Variants in APOA4 observed in about 807,000 individuals in gnomAD.
APOA4 encodes the protein apolipoprotein A-IV.
In APOA4, 25 loss-of-function variants were observed where a neutral mutation model predicts 33.6. The observed-to-expected ratio is 0.74, with a 90% confidence interval of 0.54 to 1.04. The LOEUF is 1.04. APOA4 is among the 50% of genes least tolerant of loss of function. The probability of loss-of-function intolerance (pLI) is 0.00; values close to 1 mark genes in which losing one functional copy is unlikely to be tolerated. For missense variants in APOA4, 549 were observed against 510.4 expected, an observed-to-expected ratio of 1.08 and a Z score of -0.73; for synonymous variants, 228 against 224.0, an observed-to-expected ratio of 1.02 and a Z score of -0.16.
chr11:116,821,046 C>T lies in APOA4; in HGVS notation c.1012G>A (p.Gly338Ser). 1 of 1,614,210 alleles carries T rather than the reference C, an allele frequency of 6.2e-7. No individual in the cohort carries two copies. Among genetic ancestry groups the T allele is most frequent in the Non-Finnish European group, 8.5e-7 (1 of 1,180,038 alleles). Residue 338 changes from glycine (G) to serine (S), a missense_variant, in exon 3 of 3, where the codon GGC (glycine) becomes AGC (serine). Transcript: ENST00000357780. ...TCCTTCTCCAGGAAGCTCAAGTGGC[C>T]TTCCACGTCCCCCGCATGGGGGCCC... The part of the protein sequence containing the change: ...KLGPHAGDVE[G>S]HLSFLEKDLR...
At position 116,821,332 on chromosome 11, in the gene APOA4, G is replaced by A. The variant is rs1211908315; in HGVS notation, c.726C>T (p.Thr242=). The change falls in exon 3 of 3, where the codon ACC becomes ACT. Residue 242 remains threonine, a synonymous_variant. Transcript: ENST00000357780. ...CCTCGGCGTTCTTCTTCATCTGGAAGGTCAGGCCCTCAAGCTGGTGGTTGA... is the reference window on the plus strand; with the variant it reads ...CCTCGGCGTTCTTCTTCATCTGGAAAGTCAGGCCCTCAAGCTGGTGGTTGA... ...EKLNHQLEGL[T]FQMKKNAEEL... is the part of the protein sequence containing the mutation. The A allele has an allele frequency of 3.1e-6, 5 of 1,614,088 alleles. No homozygotes were observed. The East Asian group carries it at 8.9e-5, about 29-fold the overall frequency.
Position 116,822,645 on chromosome 11 carries a change from G to A in APOA4, c.176+14C>T, listed in dbSNP as rs753849877. The A allele has an allele frequency of 1.1e-5, 18 of 1,614,194 alleles. No individual in the cohort carries two copies. The East Asian group carries it at 3.8e-4, about 34-fold the overall frequency. ...GAATTCCCCGTCACCACCGCACACT[G>A]TAGTCCCTCTTACTTGAGTTGCTGG... On this transcript the variant is annotated intron_variant, in intron 2 of 2. Transcript: ENST00000357780.
At position 116,821,412 on chromosome 11, in the gene APOA4, C is replaced by G. The variant is rs983632449; in HGVS notation, c.646G>C (p.Val216Leu). 3.7e-6 allele frequency: 6 copies of G among 1,614,060 alleles called. No homozygotes were observed. In the Admixed American group the frequency reaches 5.0e-5, roughly 13 times the overall value. The change falls in exon 3 of 3, where the codon GTG becomes CTG. Residue 216 changes from valine (V) to leucine (L), a missense_variant. Transcript: ENST00000357780. ...GCCAGGCTGCGGCGCAGCTCCTCCA[C>G]GGTCTGGTCAATCTTGACTTTGAAT... ...DEFKVKIDQT[V>L]EELRRSLAPY...
Position 116,821,801 on chromosome 11 carries a change from T to C in APOA4, c.257A>G (p.Glu86Gly), listed in dbSNP as rs1941329497. Reference protein sequence around the residue: ...LQKKLVPFATELHERLAKDSE... With the variant: ...LQKKLVPFATGLHERLAKDSE... The stretch of plus-strand genomic sequence containing the variant: ...GTCCTTGGCCAGGCGTTCATGCAGC[T>C]CGGTGGCAAAGGGCACCAGCTTCTT... Residue 86 changes from glutamate to glycine, a missense_variant, in exon 3 of 3, where the codon GAG becomes GGG. Coordinates refer to ENST00000357780, the MANE Select transcript of APOA4 (RefSeq NM_000482.4). 1.2e-6 allele frequency: 2 copies of C among 1,601,648 alleles called. No homozygotes were observed. The highest frequency in any genetic ancestry group is 1.7e-6 in the Non-Finnish European group (2 of 1,168,598).
chr11:116,821,053 G>A lies in APOA4; in HGVS notation c.1005C>T (p.Asp335=), dbSNP rs545034382. ...CCAGGAAGCTCAAGTGGCCTTCCAC[G>A]TCCCCCGCATGGGGGCCCAGTTTCT... ...LRQKLGPHAG[D]VEGHLSFLEK... The change falls in exon 3 of 3, where the codon GAC becomes GAT. Residue 335 remains aspartate, a synonymous_variant. Coordinates refer to ENST00000357780, the MANE Select transcript of APOA4 (RefSeq NM_000482.4). The A allele has an allele frequency of 1.8e-5, 29 of 1,614,164 alleles. No individual in the cohort carries two copies. The highest frequency in any genetic ancestry group is 1.1e-4 in the East Asian group (5 of 44,874).
rs758865557 is a variant in APOA4 at position 116,821,711 on chromosome 11, T to C, written c.347A>G (p.His116Arg). The change falls in exon 3 of 3, where the codon CAT becomes CGT. Residue 116 changes from histidine (H) to arginine (R), a missense_variant. By Grantham distance (29) the His-to-Arg change is conservative. Transcript: ENST00000357780. ...LEELRARLLP[H>R]ANEVSQKIGD... ...GATCTTCTGGCTCACCTCATTGGCA[T>C]GGGGCAGCAGCCGGGCCCTCAGCTC... 9 of 1,560,774 alleles carry C rather than the reference T, an allele frequency of 5.8e-6. No homozygotes were observed. The Admixed American group carries it at 1.5e-4, about 27-fold the overall frequency.
Position 116,820,969 on chromosome 11 carries a change from GCT to G in APOA4, c.1087_1088del (p.Ser363ProfsTer9), listed in dbSNP as rs1389806043. 1.2e-6 allele frequency: 2 copies of G among 1,614,178 alleles called. No individual in the cohort carries two copies. The highest frequency in any genetic ancestry group is 2.2e-5 in the East Asian group (1 of 44,876). On this transcript the variant is annotated frameshift_variant, in exon 3 of 3. Transcript: ENST00000357780. LOFTEE classifies it high-confidence loss of function. ...SFFSTFKEKE[S>X]QDKTLSLPEL... ...CAGGGAGGGAGAGAGTCTTGTCCTG[GCT>G]CTCTTTCTCCTTGAAGGTGCTGAAG...
chr11:116,822,907 G>T, intron 1 of APOA4, 122 bp from the exon 2 acceptor site: 1 of 1,541,198 alleles, frequency 6.5e-7, no homozygotes, highest in Non-Finnish European at 8.8e-7. Context: ...CCCTGTCTGA[G>T]CTTAGCTTTT....
rs1565332473 is a variant in APOA4 at position 116,821,136 on chromosome 11, C to G, written c.922G>C (p.Glu308Gln). The change falls in exon 3 of 3, where the codon GAG (glutamate) becomes CAG (glutamine). Residue 308 changes from glutamate (E) to glutamine (Q), a missense_variant. Physicochemically the swap from Glu to Gln is conservative, Grantham distance 29. Coordinates refer to ENST00000357780, the MANE Select transcript of APOA4 (RefSeq NM_000482.4). Reference protein sequence around the residue: ...QQVEEFRRRVEPYGENFNKAL... With the variant: ...QQVEEFRRRVQPYGENFNKAL... Reference sequence around the variant, plus strand: ...TTGTTGAAGTTTTCCCCGTAGGGCTCCACCCGGCGTCGGAACTCCTCCACC... The same window carrying G: ...TTGTTGAAGTTTTCCCCGTAGGGCTGCACCCGGCGTCGGAACTCCTCCACC... 1 of 1,613,770 alleles carries G rather than the reference C, an allele frequency of 6.2e-7. No homozygotes were observed. Among genetic ancestry groups the G allele is most frequent in the East Asian group, 2.2e-5 (1 of 44,880 alleles).
At position 116,822,604 on chromosome 11, in the gene APOA4, A is replaced by G. The variant is rs1941339508; in HGVS notation, c.176+55T>C. 2.5e-6 allele frequency: 4 copies of G among 1,613,742 alleles called. No individual in the cohort carries two copies. In the South Asian group the frequency reaches 3.3e-5, roughly 13 times the overall value. On this transcript the variant is annotated intron_variant, in intron 2 of 2. Coordinates refer to ENST00000357780, the MANE Select transcript of APOA4 (RefSeq NM_000482.4). ...CTCTAAGCTCAACCCTTGCCAGTAC[A>G]TTGCATGGCCTTTAAGAATTCCCCG...
Position 116,821,791 on chromosome 11 carries a change from T to C in APOA4, c.267A>G (p.Glu89=), listed in dbSNP as rs1941329255. 1 of 1,592,306 alleles carries C rather than the reference T, an allele frequency of 6.3e-7. No homozygotes were observed. Among genetic ancestry groups the C allele is most frequent in the Non-Finnish European group, 8.6e-7 (1 of 1,160,210 alleles). Residue 89 remains glutamate (E), a synonymous_variant, in exon 3 of 3, where the codon GAA becomes GAG. Transcript: ENST00000357780. ...KLVPFATELH[E]RLAKDSEKLK... is the part of the protein sequence containing the mutation. Reference sequence around the variant, plus strand: ...GTTTCTCCGAGTCCTTGGCCAGGCGTTCATGCAGCTCGGTGGCAAAGGGCA... The same window carrying C: ...GTTTCTCCGAGTCCTTGGCCAGGCGCTCATGCAGCTCGGTGGCAAAGGGCA...
rs373185537 is a variant in APOA4, at chr11:116,820,928, T to C, written c.1130A>G (p.Gln377Arg). ...CTGCTGCTGCTCCTGCTGCTGTTCC[T>C]GCTGTTGCTCCAGCTCAGGGAGGGA... Reference protein sequence around the residue: ...TLSLPELEQQQEQQQEQQQEQ... With the variant: ...TLSLPELEQQREQQQEQQQEQ... Residue 377 changes from glutamine to arginine, a missense_variant, in exon 3 of 3, where the codon CAG becomes CGG. Transcript: ENST00000357780. 1.2e-6 allele frequency: 2 copies of C among 1,614,204 alleles called. No homozygotes were observed. The highest frequency in any genetic ancestry group is 1.7e-6 in the Non-Finnish European group (2 of 1,180,016).
chr11:116,823,121 T>A (rs1941344286), intron 1 of APOA4, 22 bp downstream of exon 1: 1 of 1,613,612 alleles, frequency 6.2e-7, no homozygotes, highest in African/African-American at 1.3e-5. Context: ...AGGAGTGCCA[T>A]CCAAAGACAG....
At chr11:116,822,903 C>T (rs1565333337) in intron 1 of APOA4, 118 bp from the exon 2 acceptor site, 1 of 1,544,780 alleles carries the variant, frequency 6.5e-7, no homozygotes, top group East Asian at 2.3e-5. Context: ...TTTTCCCTGT[C>T]TGAGCTTAGC....
rs1254351480 is a variant in APOA4, at chr11:116,821,325, T to C, written c.733A>G (p.Met245Val). 4 of 1,614,002 alleles carry C rather than the reference T, an allele frequency of 2.5e-6. No individual in the cohort carries two copies. Among genetic ancestry groups the C allele is most frequent in the Non-Finnish European group, 3.4e-6 (4 of 1,179,998 alleles). ...NHQLEGLTFQ[M>V]KKNAEELKAR... Reference sequence around the variant, plus strand: ...TTGAGCTCCTCGGCGTTCTTCTTCATCTGGAAGGTCAGGCCCTCAAGCTGG... The same window carrying C: ...TTGAGCTCCTCGGCGTTCTTCTTCACCTGGAAGGTCAGGCCCTCAAGCTGG... The change falls in exon 3 of 3, where the codon ATG (methionine) becomes GTG (valine). Residue 245 changes from methionine to valine, a missense_variant. By Grantham distance (21) the Met-to-Val change is conservative (BLOSUM62 1). Coordinates refer to ENST00000357780, the MANE Select transcript of APOA4 (RefSeq NM_000482.4).
chr11:116,821,771 TC>T lies in APOA4; in HGVS notation c.286del (p.Glu96ArgfsTer3). 6.4e-7 allele frequency: 1 copy of T among 1,573,110 alleles called. No individual in the cohort carries two copies. The highest frequency in any genetic ancestry group is 8.8e-7 in the Non-Finnish European group (1 of 1,142,786). ...CTTCCCAATCTCCTCCTTCAGTTTC[TC>T]CGAGTCCTTGGCCAGGCGTTCATGC... ...ELHERLAKDS[E>X]KLKEEIGKEL... On this transcript the variant is annotated frameshift_variant, in exon 3 of 3. Coordinates refer to ENST00000357780, the MANE Select transcript of APOA4 (RefSeq NM_000482.4). LOFTEE classifies it high-confidence loss of function.
chr11:116,822,136 T>C (rs1941334447), intron 2 of APOA4, among the ~76,000 whole-genome samples: 1 of 152,124 alleles, frequency 6.6e-6, no homozygotes, highest in African/African-American at 2.4e-5. Flanking sequence ...CCTCCAGCAG[T>C]TTGCTTTCCC....
chr11:116,823,269 TC>T lies in APOA4; in HGVS notation c.-79del, dbSNP rs1054067992. ...ACAATCAGGGGAGCTGACAGAGAGG[TC>T]CTCAGGAGAGCTCACCTGCGCTGCA... On this transcript the variant is annotated 5_prime_UTR_variant, in exon 1 of 3. Coordinates refer to ENST00000357780, the MANE Select transcript of APOA4 (RefSeq NM_000482.4). The T allele has an allele frequency of 8.5e-5, 131 of 1,546,102 alleles. 2 individuals are homozygous for T. The Admixed American group carries it at 8.5e-4, about 10-fold the overall frequency.
chr11:116,820,701 T>G lies in APOA4; in HGVS notation c.*166A>C. ...AAGGAGGATTCATCCGGCAACCAGT[T>G]GAGGCTAGATTCTCAGCAGCTTTAT... On this transcript the variant is annotated 3_prime_UTR_variant, in exon 3 of 3. Coordinates refer to ENST00000357780, the MANE Select transcript of APOA4 (RefSeq NM_000482.4). 28 of 1,252,272 alleles carry G rather than the reference T, an allele frequency of 2.2e-5. No homozygotes were observed. The highest frequency in any genetic ancestry group is 2.9e-5 in the Non-Finnish European group (26 of 910,084). 77.6% of individuals were successfully genotyped at this position (1,252,272 alleles called of 1,614,324 possible). A position where few individuals can be genotyped will look rare whatever the true frequency, so the allele number is the denominator to read the frequency against.
Sources: gnomAD v4.1 joint callset for allele counts (sites outside exome capture counted in the v4.1 genomes callset) on GRCh38, gnomAD v4.1.1 for gene constraint, MANE v1.5 for transcripts, NCBI Gene and HGNC (gene_info 2026-07-23, HGNC 2026-07-21) for gene names.